Variants in NALF1 observed in about 807,000 individuals in gnomAD.
NALF1 encodes the protein family with sequence similarity 155 member A.
Under a neutral mutation model 48.4 loss-of-function variants are expected in NALF1, and 3 were observed. The observed-to-expected ratio is 0.06, with a 90% CI of 0.03 to 0.16. The LOEUF (loss-of-function observed/expected upper bound fraction) is 0.16. Ranked by LOEUF, NALF1 falls within the 10% of genes least tolerant of loss-of-function variation. NALF1 has a pLI of 1.00. For synonymous variants in NALF1, 262 were observed against 245.7 expected (o/e 1.07, Z -0.62); for missense variants, 526 against 571.5 (o/e 0.92, Z 0.81).
intron 1 of NALF1, among the ~76,000 whole-genome samples, chr13:107,697,275 G>A (rs113281864): frequency 2.8e-4 from 43 of 152,130 alleles, no homozygotes; most frequent in African/African-American, 9.6e-4. Flanking sequence ...AGTTCTGTAT[G>A]TTTTATATGG....
intron 1 of NALF1, among the ~76,000 whole-genome samples, chr13:107,583,836 T>C (rs1356594895): frequency 2.0e-5 from 3 of 152,182 alleles, no homozygotes; most frequent in Non-Finnish European, 4.4e-5. Flanking sequence ...AACCTTTCTT[T>C]CCCCTGCTAC....
intron 1 of NALF1, among the ~76,000 whole-genome samples, chr13:107,405,905 T>C (rs980761748): frequency 1.3e-5 from 2 of 152,072 alleles, no homozygotes; most frequent in Admixed American, 1.3e-4. Context: ...AGATTGGCAA[T>C]TAGCAAATTC....
At chr13:107,716,752 G>C (rs1192699161) in intron 1 of NALF1, among the ~76,000 whole-genome samples, 3 of 152,264 alleles carry the variant, frequency 2.0e-5, no homozygotes, top group Admixed American at 2.0e-4. Flanking sequence ...TGCCTCCCTG[G>C]AGAGTGTCAT....
At chr13:107,331,003 G>A (rs2138923978) in intron 1 of NALF1, among the ~76,000 whole-genome samples, 1 of 152,218 alleles carries the variant, frequency 6.6e-6, no homozygotes, top group East Asian at 1.9e-4. Flanking sequence ...ATGCAAGATG[G>A]CCCAGAACAT....
intron 1 of NALF1, among the ~76,000 whole-genome samples, chr13:107,455,266 T>C (rs1343856054): frequency 6.6e-6 from 1 of 152,166 alleles, no homozygotes; most frequent in Admixed American, 6.5e-5. Flanking sequence ...TAGTCTCTGG[T>C]GGTTTTCTTT....
At chr13:107,441,351 C>A (rs1395775269) in intron 1 of NALF1, among the ~76,000 whole-genome samples, 1 of 152,074 alleles carries the variant, frequency 6.6e-6, no homozygotes, top group Non-Finnish European at 1.5e-5. Context: ...AGGAATTTAA[C>A]CTGAGGTAAA....
chr13:107,432,584 C>T (rs761073317), intron 1 of NALF1, among the ~76,000 whole-genome samples: 2 of 152,056 alleles, frequency 1.3e-5, no homozygotes, highest in African/African-American at 2.4e-5. Context: ...ATGTCTGCTA[C>T]GAATGAGTGA....
chr13:107,306,391 T>C (rs1010593137), intron 1 of NALF1, among the ~76,000 whole-genome samples: 2 of 152,204 alleles, frequency 1.3e-5, no homozygotes, highest in Non-Finnish European at 2.9e-5. Flanking sequence ...ACTGTAATTT[T>C]TATGTCTGAA....
intron 1 of NALF1, among the ~76,000 whole-genome samples, chr13:107,550,085 C>A (rs1877250654): frequency 6.6e-6 from 1 of 152,142 alleles, no homozygotes; most frequent in Admixed American, 6.6e-5. Flanking sequence ...CCACTTTAGA[C>A]AGCATTGAAA....
intron 1 of NALF1, among the ~76,000 whole-genome samples, chr13:107,665,673 T>A (rs1436205093): frequency 6.6e-6 from 1 of 152,122 alleles, no homozygotes; most frequent in Non-Finnish European, 1.5e-5. Flanking sequence ...CATCTTGACA[T>A]GTTTGTGTCT....
intron 1 of NALF1, among the ~76,000 whole-genome samples, chr13:107,631,676 T>C (rs541937182): frequency 2.0e-5 from 3 of 152,210 alleles, no homozygotes; most frequent in South Asian, 2.1e-4. Flanking sequence ...TGACTAGTCA[T>C]GCACAGGCTT....
At chr13:107,682,672 ATCT>A (rs750456622) in intron 1 of NALF1, among the ~76,000 whole-genome samples, 1 of 151,304 alleles carries the variant, frequency 6.6e-6, no homozygotes, top group Admixed American at 6.6e-5. Flanking sequence ...TTCATTATTT[ATCT>A]TCTTCTCATG....
chr13:107,251,150 C>G (rs1214512911), intron 1 of NALF1, among the ~76,000 whole-genome samples: 1 of 152,086 alleles, frequency 6.6e-6, no homozygotes, highest in Non-Finnish European at 1.5e-5. Flanking sequence ...AGTGACCATT[C>G]AAAAACAAAC....
intron 1 of NALF1, among the ~76,000 whole-genome samples, chr13:107,279,069 T>G (rs1362927466): frequency 8.2e-6 from 1 of 122,614 alleles, no homozygotes; most frequent in Non-Finnish European, 1.7e-5. Flanking sequence ...TTTGCACAAA[T>G]TATCTGCAGT....
chr13:107,443,466 C>T (rs1884599385), intron 1 of NALF1, among the ~76,000 whole-genome samples: 2 of 152,166 alleles, frequency 1.3e-5, no homozygotes, highest in Admixed American at 1.3e-4. Flanking sequence ...ATCCACCCAC[C>T]TCGGCCTCCC....
intron 1 of NALF1, among the ~76,000 whole-genome samples, chr13:107,794,072 A>T (rs1878333087): frequency 6.6e-6 from 1 of 152,194 alleles, no homozygotes; most frequent in Admixed American, 6.5e-5. Context: ...AAATATGTTC[A>T]GTCAAAGAGT....
At chr13:107,194,602 C>G (rs1437365024) in intron 2 of NALF1, among the ~76,000 whole-genome samples, 2 of 152,294 alleles carry the variant, frequency 1.3e-5, no homozygotes, top group East Asian at 1.9e-4. Flanking sequence ...AAATCTAAAA[C>G]CTGAAACCAC....
At chr13:107,596,131 A>T (rs566073413) in intron 1 of NALF1, among the ~76,000 whole-genome samples, 59 of 152,306 alleles carry the variant, frequency 3.9e-4, no homozygotes, top group African/African-American at 1.4e-3. Context: ...CTCAACAAAT[A>T]CAAAGTAGTG....
chr13:107,209,680 G>C (rs1879719758), intron 2 of NALF1, among the ~76,000 whole-genome samples: 1 of 152,158 alleles, frequency 6.6e-6, no homozygotes, highest in Admixed American at 6.5e-5. Context: ...TTTTAGAGGA[G>C]TTTGGCAAGT....
Sources: gnomAD v4.1 joint callset for allele counts (sites outside exome capture counted in the v4.1 genomes callset) on GRCh38, gnomAD v4.1.1 for gene constraint, MANE v1.5 for transcripts, NCBI Gene and HGNC (gene_info 2026-07-23, HGNC 2026-07-21) for gene names.